The following TJP1 variants were observed in gnomAD, a reference collection of about 807,000 sequenced individuals.
TJP1 encodes tight junction protein 1, also known as tight junction protein ZO-1.
A neutral mutation model predicts 194.2 loss-of-function variants in TJP1; 43 were observed. The ratio of observed to expected loss-of-function variants is 0.22; its 90% CI spans 0.17 to 0.29. TJP1 has a LOEUF of 0.29. Ranked by LOEUF, TJP1 falls within the 10% of genes least tolerant of loss-of-function variation. TJP1 has a pLI of 1.00. For missense variants in TJP1, 1,971 were observed against 2,185.7 expected (o/e 0.90, Z 1.96); for synonymous variants, 801 against 779.0 (o/e 1.03, Z -0.47).
At chr15:29,726,546 C>T (rs1566905309) in intron 17 of TJP1, 67 bp from the exon 18 acceptor site, 2 of 1,432,220 alleles carry the variant, frequency 1.4e-6, no homozygotes, top group East Asian at 4.6e-5. Context: ...TAATTCAACC[C>T]TGCTTACAGC....
chr15:29,897,964 T>C (rs2152186925), intron 2 of TJP1, among the ~76,000 whole-genome samples: 1 of 152,232 alleles, frequency 6.6e-6, no homozygotes, highest in East Asian at 1.9e-4. Context: ...CATTGGACTA[T>C]GGACTTTTGA....
intron 8 of TJP1, among the ~76,000 whole-genome samples, chr15:29,746,910 A>AG (rs902009173): frequency 2.0e-5 from 3 of 150,828 alleles, no homozygotes; most frequent in African/African-American, 7.4e-5. Context: ...ACAATCTTTT[A>AG]GGAAAAAAAA....
intron 2 of TJP1, among the ~76,000 whole-genome samples, chr15:29,872,675 G>A (rs76839513): frequency 0.026 from 3,962 of 152,294 alleles, 184 homozygotes; most frequent in African/African-American, 0.091. Context: ...GAGCTGGTAC[G>A]TTAGAAGCAT....
At chr15:29,883,361 G>A (rs1182634367) in intron 2 of TJP1, among the ~76,000 whole-genome samples, 4 of 152,218 alleles carry the variant, frequency 2.6e-5, no homozygotes, top group Non-Finnish European at 4.4e-5. Flanking sequence ...TGCAGGGAAT[G>A]TGGCATGGTG....
At chr15:29,707,712 T>G (rs2041985986) in intron 25 of TJP1, among the ~76,000 whole-genome samples, 1 of 152,230 alleles carries the variant, frequency 6.6e-6, no homozygotes, top group Admixed American at 6.5e-5. Flanking sequence ...GTGGGCTCAC[T>G]TTGTCTCATT....
At chr15:29,919,400 T>C (rs2054286341) in intron 2 of TJP1, among the ~76,000 whole-genome samples, 1 of 152,148 alleles carries the variant, frequency 6.6e-6, no homozygotes, top group African/African-American at 2.4e-5. Flanking sequence ...CATACAACAG[T>C]GTTTTTTGTC....
At chr15:29,820,685 A>T in intron 1 of TJP1, 1 of 609,486 alleles carries the variant, frequency 1.6e-6, no homozygotes, top group South Asian at 2.1e-5. Flanking sequence ...CTAGGAAAGA[A>T]AGCCCCAGAA....
chr15:29,956,467 A>G, intron 1 of TJP1: 1 of 1,106,424 alleles, frequency 9.0e-7, no homozygotes, highest in South Asian at 1.7e-5. Flanking sequence ...GAAATGTCAC[A>G]CTCCTTTTTC....
chr15:29,871,181 T>C (rs2052505402), intron 2 of TJP1, among the ~76,000 whole-genome samples: 1 of 152,220 alleles, frequency 6.6e-6, no homozygotes, highest in East Asian at 1.9e-4. Context: ...TCAAGGCTCA[T>C]TTAACCAACT....
At chr15:29,963,095 C>T (rs1303241849) in intron 1 of TJP1, among the ~76,000 whole-genome samples, 5 of 152,090 alleles carry the variant, frequency 3.3e-5, no homozygotes, top group African/African-American at 4.8e-5. Context: ...GAGCTGAGAT[C>T]GCGCCATTGC....
At chr15:29,925,606 C>G (rs1718986) in intron 2 of TJP1, among the ~76,000 whole-genome samples, 28,964 of 152,090 alleles carry the variant, frequency 0.19, 2,878 homozygotes, top group East Asian at 0.34. Context: ...CACAAATACA[C>G]GCACCCTTTT....
chr15:29,886,135 T>C lies in TJP1; in HGVS notation c.306+70097A>G, dbSNP rs1177512025. 2.0e-5 allele frequency among the ~76,000 whole-genome samples: 3 copies of C among 152,242 alleles called. No individual in the cohort carries two copies. In the East Asian group the frequency reaches 5.8e-4, roughly 29 times the overall value. ...ATGAGATGCCAATTTAAAAATACTG[T>C]GTGCTCTAAATAAACTTAAACATCA... On this transcript the variant is annotated intron_variant, in intron 2 of 28. Transcript: ENST00000356107.
At chr15:29,801,125 T>C (rs1024754445) in intron 1 of TJP1, among the ~76,000 whole-genome samples, 12 of 152,302 alleles carry the variant, frequency 7.9e-5, no homozygotes, top group Admixed American at 2.6e-4. Flanking sequence ...TAAATATACA[T>C]GTCACAGGAA....
chr15:29,794,274 C>A (rs2048273773), intron 2 of TJP1, among the ~76,000 whole-genome samples: 1 of 152,048 alleles, frequency 6.6e-6, no homozygotes, highest in South Asian at 2.1e-4. Context: ...TCAGAGGAAA[C>A]CCAGCTGTTT....
intron 18 of TJP1, among the ~76,000 whole-genome samples, chr15:29,721,730 T>C (rs937401140): frequency 1.3e-5 from 2 of 152,208 alleles, no homozygotes; most frequent in African/African-American, 4.8e-5. Flanking sequence ...AGAGACCTGT[T>C]GAATGGTTTT....
At position 29,705,669 on chromosome 15, in the gene TJP1, T is replaced by G; in HGVS notation, c.4927A>C (p.Asn1643His). The G allele has an allele frequency of 6.2e-7, 1 of 1,614,142 alleles. No homozygotes were observed. The highest frequency in any genetic ancestry group is 8.5e-7 in the Non-Finnish European group (1 of 1,180,024). Reference protein sequence around the residue: ...VATARGIFNSNGGVLSSIETG... With the variant: ...VATARGIFNSHGGVLSSIETG... ...TCTATGGAACTCAGCACGCCCCCAT[T>G]GCTGTTAAATATGCCTCGGGCTGTG... The change falls in exon 26 of 28, where the codon AAT (asparagine) becomes CAT (histidine). Residue 1643 changes from asparagine (N) to histidine (H), a missense_variant. Around this residue, in one of 5 missense-constraint regions of TJP1, gnomAD observed 1,108 missense variants for 1,128.5 expected, o/e 0.98. Coordinates refer to ENST00000614355, the MANE Select transcript of TJP1 (RefSeq NM_001330239.4).
At chr15:29,843,436 G>C (rs2051301085) in intron 2 of TJP1, among the ~76,000 whole-genome samples, 1 of 152,136 alleles carries the variant, frequency 6.6e-6, no homozygotes, top group African/African-American at 2.4e-5. Context: ...TGATCCGCCA[G>C]CCTCAGCCTC....
At chr15:29,748,220 T>A (rs754963694) in intron 8 of TJP1, among the ~76,000 whole-genome samples, 3 of 152,220 alleles carry the variant, frequency 2.0e-5, no homozygotes, top group Non-Finnish European at 4.4e-5. Flanking sequence ...TCATCTAAGT[T>A]ATTAATGAGG....
At chr15:29,946,352 G>A (rs1415826450) in intron 2 of TJP1, among the ~76,000 whole-genome samples, 3 of 152,252 alleles carry the variant, frequency 2.0e-5, no homozygotes, top group Non-Finnish European at 4.4e-5. Context: ...GTGGATGAAA[G>A]TCTGATGAGA....
Sources: gnomAD v4.1 joint callset for allele counts (sites outside exome capture counted in the v4.1 genomes callset) on GRCh38, gnomAD v4.1.1 for gene constraint, gnomAD v4.1.1 regional missense constraint, MANE v1.5 for transcripts, NCBI Gene and HGNC (gene_info 2026-07-23, HGNC 2026-07-21) for gene names.